SLC24A2: variants seen among roughly 807,000 people sequenced by gnomAD.
SLC24A2 encodes the protein sodium/potassium/calcium exchanger 2.
In SLC24A2, 36 loss-of-function variants were observed where a neutral mutation model predicts 62.0. That is an observed-to-expected ratio of 0.58 (90% CI 0.44 to 0.77). SLC24A2 has a LOEUF of 0.77. Among genes scored for constraint, SLC24A2 ranks in the 30% least tolerant of loss-of-function variants. SLC24A2 has a pLI of 0.00. For missense variants in SLC24A2, 846 were observed against 817.9 expected, an observed-to-expected ratio of 1.03 and a Z score of -0.42; for synonymous variants, 358 against 294.0, an observed-to-expected ratio of 1.22 and a Z score of -2.23.
the SLC24A2 span, among the ~76,000 whole-genome samples, chr9:20,186,198 T>C: frequency 6.6e-6 from 1 of 152,152 alleles, no homozygotes; most frequent in African/African-American, 2.4e-5. Context: ...TTGACCAGTC[T>C]TGAAAATTTG....
chr9:19,578,756 C>G (rs1836113438), intron 5 of SLC24A2, among the ~76,000 whole-genome samples: 1 of 152,188 alleles, frequency 6.6e-6, no homozygotes, highest in Middle Eastern at 3.2e-3. Flanking sequence ...ACTTGTGTGA[C>G]TGGCTGGGAG....
chr9:19,823,322 T>C, the SLC24A2 span, among the ~76,000 whole-genome samples: 1 of 152,034 alleles, frequency 6.6e-6, no homozygotes, highest in Admixed American at 6.6e-5. Context: ...TGTGTGTGTG[T>C]GTGTGTATTC....
intron 6 of SLC24A2, among the ~76,000 whole-genome samples, 155 bp from the exon 7 acceptor site, chr9:19,573,624 G>A (rs1835917740): frequency 6.6e-6 from 1 of 152,118 alleles, no homozygotes; most frequent in African/African-American, 2.4e-5. Context: ...GGCTAAAGCA[G>A]AGGATAGTGG....
the SLC24A2 span, among the ~76,000 whole-genome samples, chr9:20,217,302 C>T: frequency 6.6e-6 from 1 of 152,038 alleles, no homozygotes; most frequent in Non-Finnish European, 1.5e-5. Flanking sequence ...TTAGCAGTTA[C>T]CTTTGCAGGG....
At chr9:19,852,792 G>T in the SLC24A2 span, among the ~76,000 whole-genome samples, 8,779 of 151,958 alleles carry the variant, frequency 0.058, 350 homozygotes, top group African/African-American at 0.1. Context: ...GATTGTCTTG[G>T]CTATATGAGC....
At chr9:19,614,663 T>G (rs1817718044) in intron 4 of SLC24A2, among the ~76,000 whole-genome samples, 1 of 152,038 alleles carries the variant, frequency 6.6e-6, no homozygotes, top group East Asian at 1.9e-4. Context: ...CTAGGTCATA[T>G]AAAGCCTTGC....
chr9:19,754,048 A>C (rs963834307), intron 2 of SLC24A2, among the ~76,000 whole-genome samples: 1 of 152,216 alleles, frequency 6.6e-6, no homozygotes, highest in African/African-American at 2.4e-5. Context: ...AAAAATTTTA[A>C]AAACTCCTAT....
chr9:19,542,761 C>T (rs1006356471), intron 8 of SLC24A2, among the ~76,000 whole-genome samples: 6 of 152,124 alleles, frequency 3.9e-5, no homozygotes, highest in Non-Finnish European at 4.4e-5. Context: ...TATGTTGAAC[C>T]AGCCTTGCAT....
chr9:20,282,716 T>C, the SLC24A2 span, among the ~76,000 whole-genome samples: 3 of 152,230 alleles, frequency 2.0e-5, no homozygotes, highest in African/African-American at 7.2e-5. Flanking sequence ...ATTGATTTTC[T>C]ACTCAGTATC....
intron 7 of SLC24A2, among the ~76,000 whole-genome samples, chr9:19,572,900 C>T (rs1331117549): frequency 1.3e-5 from 2 of 152,170 alleles, no homozygotes; most frequent in Non-Finnish European, 2.9e-5. Flanking sequence ...TGTGGTTTCT[C>T]TATTACTTAA....
chr9:19,811,714 T>C, the SLC24A2 span, among the ~76,000 whole-genome samples: 3 of 152,200 alleles, frequency 2.0e-5, no homozygotes, highest in Non-Finnish European at 4.4e-5. Context: ...TTTTACCACT[T>C]TTCTGATAAC....
At chr9:19,633,913 T>C (rs1025823820) in intron 2 of SLC24A2, among the ~76,000 whole-genome samples, 15 of 152,208 alleles carry the variant, frequency 9.9e-5, no homozygotes, top group African/African-American at 2.7e-4. Context: ...CTCTAAAAAA[T>C]GGTTTCTGAC....
At chr9:19,767,394 G>A (rs1378552674) in intron 2 of SLC24A2, among the ~76,000 whole-genome samples, 5 of 152,310 alleles carry the variant, frequency 3.3e-5, no homozygotes, top group East Asian at 1.9e-4. Context: ...CCAAATGGCC[G>A]TACAATTTTG....
chr9:19,838,290 A>G, the SLC24A2 span, among the ~76,000 whole-genome samples: 6 of 152,170 alleles, frequency 3.9e-5, no homozygotes, highest in Non-Finnish European at 7.4e-5. Flanking sequence ...CTGATCTTTG[A>G]CAAACCTGAC....
chr9:20,241,747 G>A, the SLC24A2 span, among the ~76,000 whole-genome samples: 2 of 152,050 alleles, frequency 1.3e-5, no homozygotes, highest in Non-Finnish European at 2.9e-5. Context: ...GCTGAGTAGA[G>A]AGGAGTGGGA....
chr9:19,551,779 G>A (rs1029799309), intron 7 of SLC24A2, among the ~76,000 whole-genome samples: 5 of 152,150 alleles, frequency 3.3e-5, no homozygotes, highest in African/African-American at 1.2e-4. Flanking sequence ...CGGGCTCACA[G>A]CAATGCTATG....
the SLC24A2 span, among the ~76,000 whole-genome samples, chr9:20,265,767 C>G: frequency 6.6e-6 from 1 of 152,210 alleles, no homozygotes; most frequent in Non-Finnish European, 1.5e-5. Context: ...TGGAACAGAG[C>G]CATATTTCTC....
the SLC24A2 span, among the ~76,000 whole-genome samples, chr9:19,901,692 T>C: frequency 3.5e-4 from 54 of 152,320 alleles, no homozygotes; most frequent in African/African-American, 1.1e-3. Context: ...AGGCCCTAGA[T>C]GTCAAAGGCT....
intron 7 of SLC24A2, among the ~76,000 whole-genome samples, chr9:19,555,285 C>T (rs1003125894): frequency 1.2e-4 from 19 of 152,268 alleles, no homozygotes; most frequent in Non-Finnish European, 2.1e-4. Flanking sequence ...AGAAACAGCT[C>T]TCAAATCTCA....
Sources: allele counts gnomAD v4.1 joint callset (sites outside exome capture counted in the v4.1 genomes callset), GRCh38; gene constraint gnomAD v4.1.1; transcripts MANE v1.5; gene names NCBI Gene and HGNC (gene_info 2026-07-23, HGNC 2026-07-21).